The following PPM1E variants were observed in gnomAD, a reference collection of about 807,000 sequenced individuals.
PPM1E encodes protein phosphatase, Mg2+/Mn2+ dependent 1E.
PPM1E carries 20 observed loss-of-function variants against 65.9 expected under a neutral mutation model. That is an observed-to-expected ratio of 0.30 (90% CI 0.21 to 0.44). The LOEUF is 0.44. Among genes scored for constraint, PPM1E ranks in the 20% least tolerant of loss-of-function variants. The pLI, the probability that PPM1E is intolerant of heterozygous loss-of-function variation, is 1.00. For synonymous variants in PPM1E, 352 were observed against 374.9 expected (o/e 0.94, Z 0.70); for missense variants, 713 against 953.1 (o/e 0.75, Z 3.32).
intron 1 of PPM1E, among the ~76,000 whole-genome samples, chr17:58,781,567 G>A (rs932494954): frequency 1.3e-5 from 2 of 151,996 alleles, no homozygotes; most frequent in African/African-American, 4.8e-5. Context: ...AAATATATTT[G>A]TATGAGAAGT....
At chr17:58,775,321 T>G (rs1320799701) in intron 1 of PPM1E, among the ~76,000 whole-genome samples, 1 of 152,078 alleles carries the variant, frequency 6.6e-6, no homozygotes, top group Admixed American at 6.6e-5. Flanking sequence ...GAAACTGAGG[T>G]ATAGGTTAAG....
chr17:58,755,916 G>A lies in PPM1E; in HGVS notation c.-82G>A. On this transcript the variant is annotated 5_prime_UTR_variant, in exon 1 of 7. Transcript: ENST00000308249. ...GCGGCCGTTAACCGCCCTTGCCGGA[G>A]CCCTAGGCTCAAAAGCAGCCCCTTA... The A allele has an allele frequency of 6.3e-7, 1 of 1,579,786 alleles. No individual in the cohort carries two copies. Among genetic ancestry groups the A allele is most frequent in the South Asian group, 1.2e-5 (1 of 85,248 alleles).
intron 1 of PPM1E, among the ~76,000 whole-genome samples, chr17:58,835,623 A>G (rs1048682337): frequency 1.3e-5 from 2 of 151,466 alleles, no homozygotes; most frequent in African/African-American, 4.9e-5. Flanking sequence ...GTTCAAGACT[A>G]GCTCAGGCAA....
rs1012556659 is a variant in PPM1E, at chr17:58,983,198, T to G, written c.*2167T>G. 2.3e-5 allele frequency: 8 copies of G among 342,992 alleles called. No individual in the cohort carries two copies. Among genetic ancestry groups the G allele is most frequent in the African/African-American group, 4.2e-5 (2 of 47,404 alleles). The allele number at this position is 342,992 out of a possible 1,614,324, so 21.2% of individuals were successfully genotyped here. ...CTACACAGCAGTGTTAACTCATTTC[T>G]CATGCCATTAGCTCTCTACAAAATA... On this transcript the variant is annotated 3_prime_UTR_variant, in exon 7 of 7. Transcript: ENST00000308249.
rs1458100513 is a variant in PPM1E, at chr17:58,980,365, C to G, written c.1602C>G (p.Cys534Trp). 1.9e-6 allele frequency: 3 copies of G among 1,614,008 alleles called. No individual in the cohort carries two copies. Among genetic ancestry groups the G allele is most frequent in the African/African-American group, 1.3e-5 (1 of 74,908 alleles). ...ECKRPWPQHQ[C>W]SAPADLGYDG... ...AACGCCCTTGGCCTCAGCACCAGTG[C>G]TCAGCACCAGCCGACCTAGGCTATG... Residue 534 changes from cysteine (C) to tryptophan (W), a missense_variant, in exon 7 of 7, where the codon TGC (cysteine) becomes TGG (tryptophan). By Grantham distance (215) the Cys-to-Trp change is radical. Coordinates refer to ENST00000308249, the MANE Select transcript of PPM1E (RefSeq NM_014906.5). The surrounding 1 kb of genome is among the most constrained non-coding windows in gnomAD (Gnocchi z 4.7).
In PPM1E at chr17:58,805,980, AAAAACAAAACAAAACAAAAC is replaced by A. The variant is rs1422405569; in HGVS notation, c.464+49524_464+49543del. On this transcript the variant is annotated intron_variant, in intron 1 of 6. Transcript: ENST00000308249. Reference sequence around the variant, plus strand: ...AAAAAACAAAAAAAAAAAACAAAAAAAAAACAAAACAAAACAAAACAAAAAAAAAACTATATGTAGCATTT... The same window carrying A: ...AAAAAACAAAAAAAAAAAACAAAAAAAAAAAAAAAACTATATGTAGCATTT... Among the ~76,000 whole-genome samples the A allele has an allele frequency of 6.4e-3, 689 of 107,410 alleles. 8 individuals are homozygous for A. The highest frequency in any genetic ancestry group is 0.011 in the African/African-American group (264 of 23,754). 70.5% of individuals were successfully genotyped at this position (107,410 alleles called of 152,430 possible).
intron 1 of PPM1E, among the ~76,000 whole-genome samples, chr17:58,843,033 T>C (rs1431745901): frequency 1.3e-5 from 2 of 152,074 alleles, no homozygotes; most frequent in African/African-American, 4.8e-5. Flanking sequence ...ATGCCTGTAA[T>C]CCTAGCACTT....
rs1413022939 is a variant in PPM1E, at chr17:58,820,795, CATA to C, written c.464+64336_464+64338del. Among the ~76,000 whole-genome samples, 13 of 152,042 alleles carry C rather than the reference CATA, an allele frequency of 8.6e-5. No homozygotes were observed. The East Asian group carries it at 2.5e-3, about 29-fold the overall frequency. ...TAAAATAAATGTATTTAAATTATAT[CATA>C]AATAAAATAAATTACTTGTGGGAGT... On this transcript the variant is annotated intron_variant, in intron 1 of 6. Coordinates refer to ENST00000308249, the MANE Select transcript of PPM1E (RefSeq NM_014906.5).
intron 1 of PPM1E, among the ~76,000 whole-genome samples, chr17:58,945,131 T>C (rs1280407129): frequency 6.6e-6 from 1 of 151,882 alleles, no homozygotes; most frequent in African/African-American, 2.4e-5. Context: ...TGTTTTTCTG[T>C]ACAGTCACAC....
chr17:58,795,094 G>T (rs1046487151), intron 1 of PPM1E, among the ~76,000 whole-genome samples: 1 of 151,970 alleles, frequency 6.6e-6, no homozygotes, highest in Non-Finnish European at 1.5e-5. Context: ...GTTTCACCGT[G>T]TTGGTCAGGC....
intron 1 of PPM1E, among the ~76,000 whole-genome samples, chr17:58,806,954 C>T (rs890733627): frequency 6.6e-6 from 1 of 151,926 alleles, no homozygotes; most frequent in African/African-American, 2.4e-5. Flanking sequence ...ATCCACCTGC[C>T]TCAGCCCCCC....
intron 1 of PPM1E, among the ~76,000 whole-genome samples, chr17:58,908,622 T>C (rs1006648695): frequency 5.9e-5 from 9 of 151,436 alleles, no homozygotes; most frequent in Non-Finnish European, 8.8e-5. Context: ...GTATTTTTAG[T>C]AGAGATGGGG....
chr17:58,927,455 TATA>T (rs1004943951), intron 1 of PPM1E, among the ~76,000 whole-genome samples: 3 of 152,066 alleles, frequency 2.0e-5, no homozygotes, highest in Admixed American at 1.3e-4. Context: ...TAACTAGCGA[TATA>T]ATATTTTCAG....
chr17:58,972,146 G>C lies in PPM1E; in HGVS notation c.987G>C (p.Gly329=). 1 of 1,613,404 alleles carries C rather than the reference G, an allele frequency of 6.2e-7. No individual in the cohort carries two copies. Among genetic ancestry groups the C allele is most frequent in the Non-Finnish European group, 8.5e-7 (1 of 1,179,522 alleles). ...ACTGTTTTCAGAGCTTAAGATGTGG[G>C]ACCACAGGAGTGGTGACTTTCATCA... ...QKAARESLRC[G]TTGVVTFIRG... The change falls in exon 5 of 7, where the codon GGG becomes GGC. Residue 329 remains glycine (G), a synonymous_variant. Transcript: ENST00000308249.
chr17:58,936,036 C>T (rs561396955), intron 1 of PPM1E, among the ~76,000 whole-genome samples: 1 of 151,252 alleles, frequency 6.6e-6, no homozygotes, highest in Non-Finnish European at 1.5e-5. Context: ...CTGTTGTGAA[C>T]CCCAAACCCA....
intron 2 of PPM1E, among the ~76,000 whole-genome samples, chr17:58,957,975 T>C (rs1450817900): frequency 5.9e-5 from 9 of 152,032 alleles, no homozygotes; most frequent in Admixed American, 5.9e-4. Context: ...AGGCACTGTT[T>C]CTACAAAAAA....
chr17:58,834,110 C>T (rs191393610), intron 1 of PPM1E, among the ~76,000 whole-genome samples: 6 of 152,034 alleles, frequency 3.9e-5, no homozygotes, highest in African/African-American at 1.4e-4. Flanking sequence ...GAGATATTTC[C>T]CCTCTTTGCT....
At chr17:58,934,196 A>G (rs1255629315) in intron 1 of PPM1E, among the ~76,000 whole-genome samples, 3 of 152,096 alleles carry the variant, frequency 2.0e-5, no homozygotes, top group South Asian at 2.1e-4. Flanking sequence ...GTCTTTCATT[A>G]TAAGTCTTGT....
chr17:58,882,540 G>A (rs1269880331), intron 1 of PPM1E, among the ~76,000 whole-genome samples: 1 of 151,962 alleles, frequency 6.6e-6, no homozygotes, highest in East Asian at 1.9e-4. Context: ...ACAAGTGCGT[G>A]CCACCACGCC....
Sources: gnomAD v4.1 joint callset for allele counts (sites outside exome capture counted in the v4.1 genomes callset) on GRCh38, gnomAD v4.1.1 for gene constraint, Gnocchi (gnomAD v3.1) non-coding constraint, MANE v1.5 for transcripts, NCBI Gene and HGNC (gene_info 2026-07-23, HGNC 2026-07-21) for gene names.